Variants in FNBP1 observed in about 807,000 individuals in gnomAD.
FNBP1 encodes the protein formin binding protein 1, also known as formin-binding protein 1.
In FNBP1, 26 loss-of-function variants were observed where a neutral mutation model predicts 90.6. The observed-to-expected ratio is 0.29, with a 90% CI of 0.21 to 0.40. The LOEUF is 0.40. Among genes scored for constraint, FNBP1 ranks in the 10% least tolerant of loss-of-function variants. The probability of loss-of-function intolerance (pLI) is 1.00; values close to 1 mark genes in which losing one functional copy is unlikely to be tolerated. For missense variants in FNBP1, 635 were observed against 768.0 expected (o/e 0.83, Z 2.05); for synonymous variants, 260 against 265.2 (o/e 0.98, Z 0.19).
intron 1 of FNBP1, among the ~76,000 whole-genome samples, chr9:130,012,035 T>C (rs1167790165): frequency 6.6e-6 from 1 of 152,200 alleles, no homozygotes; most frequent in Non-Finnish European, 1.5e-5. Context: ...TTTGTGCTAT[T>C]GGCCAGGGAC....
At chr9:129,893,306 A>T (rs2035289944) in intron 16 of FNBP1, among the ~76,000 whole-genome samples, 1 of 151,956 alleles carries the variant, frequency 6.6e-6, no homozygotes, top group Admixed American at 6.6e-5. Flanking sequence ...CAGCAAAAGT[A>T]TCCAAAAGAA....
At chr9:129,948,949 T>A (rs2045762204) in intron 6 of FNBP1, among the ~76,000 whole-genome samples, 1 of 149,846 alleles carries the variant, frequency 6.7e-6, no homozygotes, top group Non-Finnish European at 1.5e-5. Context: ...TTTAATTAAT[T>A]TTTTTTTACA....
chr9:129,930,764 A>G (rs1280680460), intron 6 of FNBP1, among the ~76,000 whole-genome samples: 1 of 152,194 alleles, frequency 6.6e-6, no homozygotes, highest in South Asian at 2.1e-4. Context: ...TTAGATTCAC[A>G]TAGCATTGTG....
chr9:130,047,744 C>T (rs13288251), upstream of FNBP1, among the ~76,000 whole-genome samples: 47,296 of 151,890 alleles, frequency 0.31, 7,590 homozygotes, highest in Non-Finnish European at 0.37. Context: ...ATAAGGTATC[C>T]GGTCAAACAG....
At position 129,899,991 on chromosome 9, in the gene FNBP1, G is replaced by T. The variant is rs757458862; in HGVS notation, c.1661C>A (p.Thr554Lys). Residue 554 changes from threonine (T) to lysine (K), a missense_variant, in exon 15 of 17, where the codon ACG becomes AAG. Coordinates refer to ENST00000446176, the MANE Select transcript of FNBP1 (RefSeq NM_015033.3). ...TTCAAATGTGTAGAGAGCTTTGCAC[G>T]TCCCTATGGCAGGGAGGGGCTCCTC... ...DDEEPLPAIG[T>K]CKALYTFEGQ... The T allele has an allele frequency of 6.2e-7, 1 of 1,611,764 alleles. No individual in the cohort carries two copies. Among genetic ancestry groups the T allele is most frequent in the East Asian group, 2.2e-5 (1 of 44,760 alleles).
the FNBP1 span, among the ~76,000 whole-genome samples, chr9:130,048,699 C>T: frequency 5.0e-3 from 734 of 146,252 alleles, 5 homozygotes; most frequent in Middle Eastern, 0.02. Context: ...AGGATGGTCT[C>T]GATCTCCTGA....
chr9:129,902,777 G>A, intron 13 of FNBP1, 92 bp downstream of exon 13: 1 of 1,317,260 alleles, frequency 7.6e-7, no homozygotes, highest in Non-Finnish European at 1.1e-6. Context: ...GTACCTCCCA[G>A]TGAGAGGATC....
chr9:129,942,664 A>G (rs899662520), intron 6 of FNBP1, among the ~76,000 whole-genome samples: 2 of 152,200 alleles, frequency 1.3e-5, no homozygotes, highest in African/African-American at 2.4e-5. Context: ...ACTTTAGGCT[A>G]ATGGTAATTT....
chr9:129,948,774 C>T (rs2132543480), intron 6 of FNBP1, among the ~76,000 whole-genome samples: 1 of 152,218 alleles, frequency 6.6e-6, no homozygotes, highest in East Asian at 1.9e-4. Flanking sequence ...CTCCTGACCT[C>T]AAGTGATCCG....
intron 1 of FNBP1, among the ~76,000 whole-genome samples, chr9:130,018,331 T>G (rs1424703653): frequency 6.6e-6 from 1 of 152,082 alleles, no homozygotes; most frequent in Non-Finnish European, 1.5e-5. Context: ...ATAGTTCTGT[T>G]GCATTAAGTA....
At chr9:129,989,935 G>C (rs2052863171) in intron 2 of FNBP1, among the ~76,000 whole-genome samples, 1 of 152,082 alleles carries the variant, frequency 6.6e-6, no homozygotes, top group South Asian at 2.1e-4. Context: ...CTACTTGGGA[G>C]GCTGTGGTGG....
chr9:129,894,530 C>T (rs2035443846), intron 16 of FNBP1, among the ~76,000 whole-genome samples: 1 of 151,478 alleles, frequency 6.6e-6, no homozygotes, highest in African/African-American at 2.4e-5. Flanking sequence ...AAAAGCAAAC[C>T]CCCAAAGTCT....
chr9:130,009,925 G>GC lies in FNBP1; in HGVS notation c.25-14968dup, dbSNP rs552737201. On this transcript the variant is annotated intron_variant, in intron 1 of 16. Coordinates refer to ENST00000446176, the MANE Select transcript of FNBP1 (RefSeq NM_015033.3). ...ATTTAAGAGGAGGAGGTTGCAATGA[G>GC]CCGAGATTGTGCCACTGTACTCCAG... 1.9e-4 allele frequency among the ~76,000 whole-genome samples: 28 copies of GC among 150,048 alleles called. 1 individual carries two copies. Among genetic ancestry groups the GC allele is most frequent in the Admixed American group, 1.2e-3 (18 of 14,980 alleles).
intron 11 of FNBP1, among the ~76,000 whole-genome samples, chr9:129,912,448 G>C (rs1243296180): frequency 6.6e-6 from 1 of 152,116 alleles, no homozygotes; most frequent in Non-Finnish European, 1.5e-5. Context: ...TGGCACTTTG[G>C]GAGGCCGAGG....
chr9:129,910,454 C>G (rs2039033198), intron 11 of FNBP1, among the ~76,000 whole-genome samples: 1 of 120,332 alleles, frequency 8.3e-6, no homozygotes, highest in African/African-American at 3.1e-5. Flanking sequence ...TGTACTCCAG[C>G]CTGGGCGACA....
chr9:129,957,395 C>A lies in FNBP1; in HGVS notation c.478G>T (p.Ala160Ser), dbSNP rs200418146. The A allele has an allele frequency of 6.2e-7, 1 of 1,613,478 alleles. No individual in the cohort carries two copies. Residue 160 changes from alanine to serine, a missense_variant, in exon 6 of 17, where the codon GCT (alanine) becomes TCT (serine). Transcript: ENST00000446176. The surrounding 1 kb of genome is among the most constrained non-coding windows in gnomAD (Gnocchi z 4.3). ...RAQQYFEKMDADINVTKADVE... is the reference protein window; with the variant it reads ...RAQQYFEKMDSDINVTKADVE... ...TCCGCTTTTGTGACATTGATGTCAG[C>A]GTCCATTTTCTCAAAGTACTGCTGC...
intron 10 of FNBP1, 169 bp from the exon 11 acceptor site, chr9:129,916,149 T>C (rs71499495): frequency 0.038 from 22,446 of 591,366 alleles, 558 homozygotes; most frequent in Middle Eastern, 0.066. Flanking sequence ...AGCAGATCTG[T>C]GCAAAAGTTC....
intron 1 of FNBP1, among the ~76,000 whole-genome samples, chr9:129,996,259 C>T (rs375165886): frequency 3.3e-5 from 5 of 152,142 alleles, no homozygotes; most frequent in African/African-American, 9.6e-5. Flanking sequence ...AAGCAACAGC[C>T]GAGGATCAGA....
rs77217042 is a variant in FNBP1 at position 129,974,423 on chromosome 9, C to T, written c.345+4042G>A. On this transcript the variant is annotated intron_variant, in intron 4 of 16. Coordinates refer to ENST00000446176, the MANE Select transcript of FNBP1 (RefSeq NM_015033.3). Reference sequence around the variant, plus strand: ...GCATGAGGCTAAACACTCGGCCTCCCGAAGTGCTGGGACTACAGGCGTGAG... The same window carrying T: ...GCATGAGGCTAAACACTCGGCCTCCTGAAGTGCTGGGACTACAGGCGTGAG... Among the ~76,000 whole-genome samples the T allele has an allele frequency of 6.0e-4, 92 of 152,226 alleles. No individual in the cohort carries two copies. The East Asian group carries it at 6.4e-3, about 11-fold the overall frequency.
Sources: gnomAD v4.1 joint callset for allele counts (sites outside exome capture counted in the v4.1 genomes callset) on GRCh38, gnomAD v4.1.1 for gene constraint, Gnocchi (gnomAD v3.1) non-coding constraint, MANE v1.5 for transcripts, NCBI Gene and HGNC (gene_info 2026-07-23, HGNC 2026-07-21) for gene names.